The following TTC28 variants were observed in gnomAD, a reference collection of about 807,000 sequenced individuals.
TTC28 encodes the protein tetratricopeptide repeat domain 28.
In TTC28, 61 loss-of-function variants were observed where a neutral mutation model predicts 198.0. The observed-to-expected ratio is 0.31, with a 90% CI of 0.25 to 0.38. The LOEUF is 0.38. TTC28 is among the 10% of genes least tolerant of loss of function. The probability of loss-of-function intolerance (pLI) is 1.00; values close to 1 mark genes in which losing one functional copy is unlikely to be tolerated. For missense variants in TTC28, 2,678 were observed against 3,164.0 expected (o/e 0.85, Z 3.69); for synonymous variants, 1,171 against 1,297.8 (o/e 0.90, Z 2.10).
Position 27,981,103 on chromosome 22 carries a change from C to G in TTC28, c.*1118G>C, listed in dbSNP as rs1408964794. ...AGGTGCTGGGATTGTGGGGACCTGG[C>G]AAAGGATTTAGATATAAGACAACTG... On this transcript the variant is annotated 3_prime_UTR_variant, in exon 23 of 23. Transcript: ENST00000397906. 6.6e-6 allele frequency: 1 copy of G among 152,032 alleles called. No individual in the cohort carries two copies. Among genetic ancestry groups the G allele is most frequent in the East Asian group, 1.9e-4 (1 of 5,176 alleles). The allele number at this position is 152,032 out of a possible 1,614,324, so 9.4% of individuals were successfully genotyped here. A position where few individuals can be genotyped will look rare whatever the true frequency, so the allele number is the denominator to read the frequency against.
Position 28,629,554 on chromosome 22 carries a change from T to C in TTC28, c.379A>G (p.Lys127Glu). The part of the protein sequence containing the change: ...KARLLNPKWP[K>E]AYFRQGVALQ... ...TCTTCATAGGTAAAAATTTCTACCT[T>C]TGGCCACTTGGGATTGAGAAGTCGA... Residue 127 changes from lysine to glutamate, a missense_variant and splice_region_variant, in exon 2 of 23, where the codon AAG (lysine) becomes GAG (glutamate). This residue lies in a region of TTC28 where 176 missense variants were observed against 197.9 expected (regional missense o/e 0.89). Coordinates refer to ENST00000397906, the MANE Select transcript of TTC28 (RefSeq NM_001145418.2). 2 of 1,546,716 alleles carry C rather than the reference T, an allele frequency of 1.3e-6. No homozygotes were observed. Among genetic ancestry groups the C allele is most frequent in the Non-Finnish European group, 8.7e-7 (1 of 1,144,334 alleles).
rs564707748 is a variant in TTC28 at position 28,281,260 on chromosome 22, T to C, written c.933+14938A>G. The stretch of plus-strand genomic sequence containing the variant: ...TGTAAGACCATTTGATATTGTCCCA[T>C]AAGACACTGAGGCTCTTTTTATTCT... On this transcript the variant is annotated intron_variant, in intron 5 of 22. Coordinates refer to ENST00000397906, the MANE Select transcript of TTC28 (RefSeq NM_001145418.2). Among the ~76,000 whole-genome samples, 12 of 152,288 alleles carry C rather than the reference T, an allele frequency of 7.9e-5. 1 individual carries two copies. The highest frequency in any genetic ancestry group is 2.9e-4 in the African/African-American group (12 of 41,596).
intron 6 of TTC28, among the ~76,000 whole-genome samples, chr22:28,139,056 G>T (rs974630884): frequency 1.3e-5 from 2 of 151,544 alleles, no homozygotes; most frequent in African/African-American, 2.4e-5. Flanking sequence ...TGATTTTGGG[G>T]GTTGGGGAGA....
intron 21 of TTC28, among the ~76,000 whole-genome samples, chr22:27,988,824 G>A (rs1937300460): frequency 6.6e-6 from 1 of 152,066 alleles, no homozygotes. Flanking sequence ...AGTCTCTGTG[G>A]GCCTGTCCTG....
intron 13 of TTC28, among the ~76,000 whole-genome samples, chr22:28,023,455 T>G (rs1241836437): frequency 6.6e-6 from 1 of 152,208 alleles, no homozygotes; most frequent in East Asian, 1.9e-4. Context: ...GCTTCTCAAG[T>G]GCTCAGGGAT....
At chr22:28,370,076 C>T (rs528594883) in intron 2 of TTC28, among the ~76,000 whole-genome samples, 75 of 152,202 alleles carry the variant, frequency 4.9e-4, no homozygotes, top group Middle Eastern at 3.4e-3. Flanking sequence ...TGGGGCTTAG[C>T]CAGTGAGAGG....
chr22:28,108,653 T>C lies in TTC28; in HGVS notation c.1442-250A>G, dbSNP rs187554724. On this transcript the variant is annotated intron_variant, in intron 6 of 22. Transcript: ENST00000397906. Reference sequence around the variant, plus strand: ...AGAATGTTTGTACTACAAATACATATCTAAAATTAAAAGGCAAAACAATAC... The same window carrying C: ...AGAATGTTTGTACTACAAATACATACCTAAAATTAAAAGGCAAAACAATAC... Among the ~76,000 whole-genome samples, 45 of 152,136 alleles carry C rather than the reference T, an allele frequency of 3.0e-4. 1 individual carries two copies. Among genetic ancestry groups the C allele is most frequent in the Admixed American group, 2.8e-3 (43 of 15,286 alleles).
chr22:28,650,837 T>C (rs1372959626), intron 1 of TTC28, among the ~76,000 whole-genome samples: 2 of 152,332 alleles, frequency 1.3e-5, no homozygotes, highest in East Asian at 1.9e-4. Flanking sequence ...AAGGTAGTAG[T>C]CTAACCTCTC....
chr22:28,399,590 C>A (rs1186352252), intron 2 of TTC28, among the ~76,000 whole-genome samples: 1 of 152,110 alleles, frequency 6.6e-6, no homozygotes, highest in Non-Finnish European at 1.5e-5. Context: ...CAGGTGTCAG[C>A]CACTACGCCC....
chr22:28,173,518 A>T (rs891886989), intron 5 of TTC28, among the ~76,000 whole-genome samples: 1 of 152,236 alleles, frequency 6.6e-6, no homozygotes, highest in Non-Finnish European at 1.5e-5. Context: ...TTGGAATAAG[A>T]CAACACTTTT....
In TTC28 at chr22:27,983,539, G is replaced by A; in HGVS notation, c.6128C>T (p.Pro2043Leu). 1 of 1,551,370 alleles carries A rather than the reference G, an allele frequency of 6.4e-7. No homozygotes were observed. The highest frequency in any genetic ancestry group is 8.7e-7 in the Non-Finnish European group (1 of 1,146,910). Residue 2043 changes from proline (P) to leucine (L), a missense_variant, in exon 23 of 23, where the codon CCC becomes CTC. This residue lies in a region of TTC28 where 622 missense variants were observed against 656.0 expected (regional missense o/e 0.95). Coordinates refer to ENST00000397906, the MANE Select transcript of TTC28 (RefSeq NM_001145418.2). ...RSTLPRSQLP[P>L]QTRPAGNKDE... is the part of the protein sequence containing the mutation. ...TTTGTTGCCTGCAGGGCGGGTCTGGGGAGGCAGCTGGCTCCTAGGCAGGGT... is the reference window on the plus strand; with the variant it reads ...TTTGTTGCCTGCAGGGCGGGTCTGGAGAGGCAGCTGGCTCCTAGGCAGGGT...
intron 5 of TTC28, among the ~76,000 whole-genome samples, chr22:28,224,093 G>A (rs1928100564): frequency 6.6e-6 from 1 of 152,138 alleles, no homozygotes; most frequent in Admixed American, 6.5e-5. Flanking sequence ...GGCAACTAGT[G>A]GGCAGAGGTC....
chr22:28,382,524 T>C (rs1350143779), intron 2 of TTC28, among the ~76,000 whole-genome samples: 3 of 152,190 alleles, frequency 2.0e-5, no homozygotes, highest in East Asian at 3.8e-4. Flanking sequence ...TTGGTAACTG[T>C]TCACAAATTA....
At chr22:28,453,292 T>C (rs2047812164) in intron 2 of TTC28, among the ~76,000 whole-genome samples, 1 of 152,204 alleles carries the variant, frequency 6.6e-6, no homozygotes, top group South Asian at 2.1e-4. Context: ...AAAACACAAA[T>C]TTTTCTTGCA....
At chr22:28,116,987 T>C (rs1231744775) in intron 6 of TTC28, among the ~76,000 whole-genome samples, 1 of 152,242 alleles carries the variant, frequency 6.6e-6, no homozygotes, top group Non-Finnish European at 1.5e-5. Flanking sequence ...CAGTAGACTT[T>C]ACCAATGCTC....
intron 5 of TTC28, among the ~76,000 whole-genome samples, chr22:28,283,626 T>C (rs1048914921): frequency 2.0e-5 from 3 of 152,192 alleles, no homozygotes; most frequent in African/African-American, 7.2e-5. Context: ...AAATTGATAA[T>C]GATTATGATT....
At chr22:28,126,400 C>T (rs555596251) in intron 6 of TTC28, among the ~76,000 whole-genome samples, 1 of 152,274 alleles carries the variant, frequency 6.6e-6, no homozygotes, top group Admixed American at 6.5e-5. Context: ...TTAATCCACA[C>T]TCTTCATTCT....
chr22:28,599,635 A>C (rs2050605685), intron 2 of TTC28, among the ~76,000 whole-genome samples: 1 of 152,098 alleles, frequency 6.6e-6, no homozygotes, highest in Non-Finnish European at 1.5e-5. Context: ...ACTAAAAATA[A>C]TTTTTCTAAA....
intron 2 of TTC28, among the ~76,000 whole-genome samples, chr22:28,394,781 T>C (rs1226274310): frequency 6.6e-6 from 1 of 152,220 alleles, no homozygotes; most frequent in Non-Finnish European, 1.5e-5. Context: ...ACCAACAGCA[T>C]GTAGAACACA....
Sources: allele counts gnomAD v4.1 joint callset (sites outside exome capture counted in the v4.1 genomes callset), GRCh38; gene constraint gnomAD v4.1.1; regional missense constraint gnomAD v4.1.1; transcripts MANE v1.5; gene names NCBI Gene and HGNC (gene_info 2026-07-23, HGNC 2026-07-21).